Variants in ADAMTSL1 observed in about 807,000 individuals in gnomAD.
The protein encoded by ADAMTSL1 is ADAMTS like 1.
In ADAMTSL1, 126 loss-of-function variants were observed where a neutral mutation model predicts 201.8. The observed-to-expected ratio is 0.62, with a 90% CI of 0.54 to 0.72. The LOEUF (loss-of-function observed/expected upper bound fraction) is 0.72, where lower values mean the gene tolerates loss of function less well. ADAMTSL1 is among the 30% of genes least tolerant of loss of function. The pLI is 0.00. For missense variants in ADAMTSL1, 2,679 were observed against 2,277.8 expected (o/e 1.18, Z -3.59); for synonymous variants, 1,121 against 903.4 (o/e 1.24, Z -4.32).
chr9:18,814,899 C>A (rs992249791), intron 20 of ADAMTSL1, among the ~76,000 whole-genome samples: 1 of 152,130 alleles, frequency 6.6e-6, no homozygotes, highest in African/African-American at 2.4e-5. Context: ...GGGCAAAAGA[C>A]CTGAATAGAC....
intron 23 of ADAMTSL1, among the ~76,000 whole-genome samples, chr9:18,861,436 G>A (rs796069897): frequency 1.5e-4 from 23 of 152,276 alleles, no homozygotes; most frequent in African/African-American, 5.5e-4. Flanking sequence ...CCAGGAATCT[G>A]AACCAGGCCA....
At position 18,776,782 on chromosome 9, in the gene ADAMTSL1, G is replaced by C; in HGVS notation, c.2553G>C (p.Arg851Ser). Reference protein sequence around the residue: ...IRPCMLATCARPGRPSTKHSP... With the variant: ...IRPCMLATCASPGRPSTKHSP... Reference sequence around the variant, plus strand: ...CCTTCGGGTTCGCTCTCCTTCCAGGGCCCGGGCGGCCATCCACGAAGCACA... The same window carrying C: ...CCTTCGGGTTCGCTCTCCTTCCAGGCCCCGGGCGGCCATCCACGAAGCACA... Residue 851 changes from arginine (R) to serine (S), a missense_variant and splice_region_variant, in exon 19 of 29, where the codon AGG becomes AGC. Physicochemically the swap from Arg to Ser is moderately radical, Grantham distance 110 (BLOSUM62 -1). Coordinates refer to ENST00000380548, the MANE Select transcript of ADAMTSL1 (RefSeq NM_001040272.6). The C allele has an allele frequency of 6.5e-7, 1 of 1,545,034 alleles. No homozygotes were observed. The highest frequency in any genetic ancestry group is 8.7e-7 in the Non-Finnish European group (1 of 1,146,092).
At chr9:18,824,290 C>T (rs74520601) in intron 21 of ADAMTSL1, among the ~76,000 whole-genome samples, 8,686 of 152,126 alleles carry the variant, frequency 0.057, 280 homozygotes, top group South Asian at 0.092. Flanking sequence ...AATGAAAAAT[C>T]AGCTGTTCCA....
intron 1 of ADAMTSL1, among the ~76,000 whole-genome samples, chr9:18,502,143 C>T (rs1233797678): frequency 6.6e-6 from 1 of 152,186 alleles, no homozygotes; most frequent in Admixed American, 6.5e-5. Flanking sequence ...ATGCATTCTG[C>T]ATGTGAATGC....
intron 23 of ADAMTSL1, among the ~76,000 whole-genome samples, chr9:18,857,952 C>A (rs1182802280): frequency 6.6e-6 from 1 of 152,154 alleles, no homozygotes. Flanking sequence ...CTTGAACTTT[C>A]CCTGCTCCAG....
At chr9:18,142,911 A>G (rs947817143) in intron 1 of ADAMTSL1, among the ~76,000 whole-genome samples, 1 of 152,198 alleles carries the variant, frequency 6.6e-6, no homozygotes, top group Non-Finnish European at 1.5e-5. Context: ...TTTCTAGTCT[A>G]TCACACCGGG....
At chr9:18,897,784 G>T (rs1383234426) in intron 26 of ADAMTSL1, among the ~76,000 whole-genome samples, 1 of 152,192 alleles carries the variant, frequency 6.6e-6, no homozygotes, top group African/African-American at 2.4e-5. Context: ...CAAAAAGCCA[G>T]AGTGCCTCTT....
Position 18,272,240 on chromosome 9 carries a change from T to C in ADAMTSL1, c.207+108259T>C, listed in dbSNP as rs192119849. ...GGCTACAGTAACCAAAACAGCATGG[T>C]ACTGGTACCAAAACAGAGATATAAA... On this transcript the variant is annotated intron_variant, in intron 2 of 29. Transcript: ENST00000680146. 6.0e-3 allele frequency among the ~76,000 whole-genome samples: 913 copies of C among 152,204 alleles called. 4 individuals are homozygous for C. The highest frequency in any genetic ancestry group is 0.024 in the Middle Eastern group (7 of 294).
chr9:17,994,110 G>T (rs1014736695), intron 1 of ADAMTSL1, among the ~76,000 whole-genome samples: 5 of 151,978 alleles, frequency 3.3e-5, no homozygotes, highest in South Asian at 4.2e-4. Flanking sequence ...GTGTGTGTGT[G>T]TGTGTGTGTG....
intron 1 of ADAMTSL1, among the ~76,000 whole-genome samples, chr9:17,973,065 C>CAATGAGTAATGT (rs1818281012): frequency 1.0e-5 from 1 of 95,612 alleles, no homozygotes; most frequent in Non-Finnish European, 2.2e-5. Context: ...TGGATATTAA[C>CAATGAGTAATGT]CCTTTGTCAG....
chr9:18,133,084 A>G (rs561010898), intron 1 of ADAMTSL1, among the ~76,000 whole-genome samples: 3 of 152,230 alleles, frequency 2.0e-5, no homozygotes, highest in African/African-American at 7.2e-5. Flanking sequence ...ACTTCCAGGA[A>G]TAAGAAGCTA....
At chr9:18,718,137 C>G in intron 14 of ADAMTSL1, 13 of 968,626 alleles carry the variant, frequency 1.3e-5, no homozygotes, top group Non-Finnish European at 2.2e-5. Context: ...AGATTTTTGA[C>G]CTTCTTCCTT....
chr9:17,936,759 C>T (rs1224020725), intron 1 of ADAMTSL1, among the ~76,000 whole-genome samples: 2 of 152,208 alleles, frequency 1.3e-5, no homozygotes, highest in Non-Finnish European at 2.9e-5. Flanking sequence ...CCACCGCCTG[C>T]ATGGATGGGC....
At chr9:18,293,215 A>C (rs1221250019) in intron 2 of ADAMTSL1, among the ~76,000 whole-genome samples, 1 of 152,214 alleles carries the variant, frequency 6.6e-6, no homozygotes, top group Non-Finnish European at 1.5e-5. Context: ...GAATGGTGCT[A>C]CAGTGAACAT....
At chr9:18,456,341 C>T (rs1178531344) in intron 2 of ADAMTSL1, among the ~76,000 whole-genome samples, 1 of 152,176 alleles carries the variant, frequency 6.6e-6, no homozygotes, top group Non-Finnish European at 1.5e-5. Context: ...GCAGCCTCCT[C>T]CTGCCACACT....
chr9:18,046,659 T>C (rs1032098929), intron 1 of ADAMTSL1, among the ~76,000 whole-genome samples: 2 of 152,176 alleles, frequency 1.3e-5, no homozygotes, highest in African/African-American at 4.8e-5. Flanking sequence ...ACTATTTATA[T>C]TAATAATGAT....
chr9:18,525,791 G>C (rs1399790098), intron 2 of ADAMTSL1, among the ~76,000 whole-genome samples: 2 of 152,194 alleles, frequency 1.3e-5, no homozygotes, highest in Non-Finnish European at 2.9e-5. Context: ...TAGTTTGATA[G>C]CACTGTGGTC....
chr9:18,287,532 T>C (rs1438212728), intron 2 of ADAMTSL1, among the ~76,000 whole-genome samples: 2 of 151,400 alleles, frequency 1.3e-5, no homozygotes, highest in Non-Finnish European at 2.9e-5. Flanking sequence ...TTTACATATA[T>C]GTAAAATACA....
chr9:18,590,391 T>C (rs535469705), intron 4 of ADAMTSL1, among the ~76,000 whole-genome samples: 1 of 152,244 alleles, frequency 6.6e-6, no homozygotes, highest in South Asian at 2.1e-4. Flanking sequence ...TTTAATTATT[T>C]GAGTCTTCTC....
Sources: allele counts gnomAD v4.1 joint callset (sites outside exome capture counted in the v4.1 genomes callset), GRCh38; gene constraint gnomAD v4.1.1; transcripts MANE v1.5; gene names NCBI Gene and HGNC (gene_info 2026-07-23, HGNC 2026-07-21).